PECR: variants seen among roughly 807,000 people sequenced by gnomAD.
PECR encodes 2,4-dienoyl-CoA reductase-related protein.
PECR carries 30 observed loss-of-function variants against 35.3 expected under a neutral mutation model. That is an observed-to-expected ratio of 0.85 (90% CI 0.64 to 1.15). PECR has a LOEUF of 1.15. Ranked by LOEUF, PECR falls within the 50% of genes most tolerant of loss-of-function variation. The pLI is 0.00. For missense variants in PECR, 392 were observed against 370.8 expected (o/e 1.06, Z -0.47); for synonymous variants, 148 against 138.9 (o/e 1.07, Z -0.46).
downstream of PECR, among the ~76,000 whole-genome samples, chr2:216,034,361 C>G (rs918418765): frequency 6.6e-6 from 1 of 152,206 alleles, no homozygotes; most frequent in Non-Finnish European, 1.5e-5. Flanking sequence ...GCCTTCCCCT[C>G]GGGCTGCTCC....
At chr2:216,048,066 T>C (rs952264169) in intron 6 of PECR, among the ~76,000 whole-genome samples, 1 of 151,302 alleles carries the variant, frequency 6.6e-6, no homozygotes, top group African/African-American at 2.4e-5. Flanking sequence ...CCTTTTCTTT[T>C]CTTTATTTTA....
chr2:216,065,521 G>A, intron 2 of PECR, 44 bp from the exon 3 acceptor site: 4 of 1,185,912 alleles, frequency 3.4e-6, no homozygotes, highest in East Asian at 2.3e-5. Flanking sequence ...AAGTTTAATA[G>A]CCTAACTTGC....
Position 216,076,902 on chromosome 2 carries a change from CT to C in PECR, c.124+4715del, listed in dbSNP as rs766073483. On this transcript the variant is annotated intron_variant, in intron 1 of 7. Transcript: ENST00000265322. ...TAAACCTAACAGCATTCCAATTTTA[CT>C]TTTTTTTTTTTTTTTGAGATGGAGT... is the stretch of plus-strand genomic sequence containing the variant. 9.3e-3 allele frequency among the ~76,000 whole-genome samples: 1,289 copies of C among 137,926 alleles called. 8 individuals carry two copies. The highest frequency in any genetic ancestry group is 0.017 in the South Asian group (73 of 4,254). 90.5% of individuals were successfully genotyped at this position (137,926 alleles called of 152,430 possible).
intron 7 of PECR, among the ~76,000 whole-genome samples, chr2:216,043,067 G>A (rs1159961232): frequency 1.8e-4 from 8 of 45,556 alleles, no homozygotes; most frequent in Non-Finnish European, 2.4e-4. Context: ...ACGTATATAT[G>A]TATGTATATA....
downstream of PECR, among the ~76,000 whole-genome samples, chr2:216,036,953 T>C (rs1329789023): frequency 6.6e-6 from 1 of 152,232 alleles, no homozygotes; most frequent in Non-Finnish European, 1.5e-5. Context: ...TTCAGTTATA[T>C]GCCGTGGACA....
intron 5 of PECR, among the ~76,000 whole-genome samples, chr2:216,050,176 C>G (rs781272477): frequency 6.6e-6 from 1 of 152,090 alleles, no homozygotes; most frequent in African/African-American, 2.4e-5. Context: ...GAGCCGTGAT[C>G]GCACTACCGC....
At chr2:216,034,685 A>C (rs1395533260), downstream of PECR, among the ~76,000 whole-genome samples, 1 of 152,150 alleles carries the variant, frequency 6.6e-6, no homozygotes, top group Non-Finnish European at 1.5e-5. Context: ...GCCCGAGATG[A>C]GAATATATAC....
intron 1 of PECR, among the ~76,000 whole-genome samples, chr2:216,075,570 A>T (rs1353282833): frequency 6.6e-6 from 1 of 152,212 alleles, no homozygotes; most frequent in African/African-American, 2.4e-5. Flanking sequence ...TTCATGCTAA[A>T]TCATTTCAAT....
chr2:216,042,294 T>C (rs1225628703), intron 7 of PECR, among the ~76,000 whole-genome samples: 1 of 152,202 alleles, frequency 6.6e-6, no homozygotes, highest in Non-Finnish European at 1.5e-5. Flanking sequence ...GTGCTAATGG[T>C]TGTTGTGTTG....
chr2:216,036,460 G>A (rs78303896), downstream of PECR, among the ~76,000 whole-genome samples: 3,186 of 152,312 alleles, frequency 0.021, 127 homozygotes, highest in African/African-American at 0.073. Context: ...TACAAACTAT[G>A]ACTGATGCTG....
chr2:216,050,019 A>C (rs1201092010), intron 5 of PECR, among the ~76,000 whole-genome samples: 2 of 152,054 alleles, frequency 1.3e-5, no homozygotes. Flanking sequence ...GGAGTTTGAG[A>C]CCAGCCTGGG....
chr2:216,039,247 G>T lies in PECR; in HGVS notation c.*28C>A. The T allele has an allele frequency of 8.4e-7, 1 of 1,194,496 alleles. No homozygotes were observed. Among genetic ancestry groups the T allele is most frequent in the South Asian group, 1.2e-5 (1 of 82,414 alleles). 74.0% of individuals were successfully genotyped at this position (1,194,496 alleles called of 1,614,324 possible). A position where few individuals can be genotyped will look rare whatever the true frequency, so the allele number is the denominator to read the frequency against. ...TATCCTCAAGATGTGAAGGCACTGG[G>T]GGATGGAGGACACCTTGTTTCCTCA... On this transcript the variant is annotated 3_prime_UTR_variant, in exon 8 of 8. Coordinates refer to ENST00000265322, the MANE Select transcript of PECR (RefSeq NM_018441.6).
intron 7 of PECR, chr2:216,032,908 T>C (rs1428395189): frequency 1.3e-5 from 2 of 152,146 alleles, no homozygotes; most frequent in East Asian, 3.8e-4. Context: ...AGCAAAAAAC[T>C]AAAGCTCAAG....
chr2:216,052,923 G>A (rs1186509832), intron 4 of PECR, among the ~76,000 whole-genome samples: 13 of 151,996 alleles, frequency 8.6e-5, no homozygotes, highest in African/African-American at 1.9e-4. Flanking sequence ...GCATGATCTC[G>A]GCTCACTGCA....
chr2:216,061,398 C>T (rs1303252139), intron 3 of PECR, among the ~76,000 whole-genome samples: 1 of 146,982 alleles, frequency 6.8e-6, no homozygotes, highest in Non-Finnish European at 1.5e-5. Context: ...TTCACATGGT[C>T]TCAAAGTATT....
At chr2:216,055,067 G>A (rs1316328240) in intron 4 of PECR, among the ~76,000 whole-genome samples, 2 of 148,612 alleles carry the variant, frequency 1.3e-5, no homozygotes, top group Non-Finnish European at 3.0e-5. Context: ...AGCAGAAATT[G>A]CACCACTGCA....
At chr2:216,035,179 T>C (rs1294528235), downstream of PECR, among the ~76,000 whole-genome samples, 6 of 152,216 alleles carry the variant, frequency 3.9e-5, no homozygotes, top group African/African-American at 1.4e-4. Context: ...TGAAGCTTTG[T>C]TGGGAGAGGG....
chr2:216,040,474 G>A (rs1474877399), intron 7 of PECR, among the ~76,000 whole-genome samples: 1 of 152,118 alleles, frequency 6.6e-6, no homozygotes, highest in Non-Finnish European at 1.5e-5. Context: ...GGCTGGTCTT[G>A]AATTCCTGGG....
At chr2:216,050,235 A>G (rs1211763825) in intron 5 of PECR, among the ~76,000 whole-genome samples, 1 of 152,222 alleles carries the variant, frequency 6.6e-6, no homozygotes. Context: ...CATTTAAAAA[A>G]AAAATTGTAT....
Sources: allele counts gnomAD v4.1 joint callset (sites outside exome capture counted in the v4.1 genomes callset), GRCh38; gene constraint gnomAD v4.1.1; transcripts MANE v1.5; gene names NCBI Gene and HGNC (gene_info 2026-07-23, HGNC 2026-07-21).